APEH: variants seen among roughly 807,000 people sequenced by gnomAD.
APEH encodes the protein acylaminoacyl-peptide hydrolase, also known as acylamino-acid-releasing enzyme.
A neutral mutation model predicts 102.7 loss-of-function variants in APEH; 75 were observed. That is an observed-to-expected ratio of 0.73 (90% CI 0.61 to 0.89). The LOEUF is 0.89. APEH is among the 40% of genes least tolerant of loss of function. The probability of loss-of-function intolerance (pLI) is 0.00; values close to 1 mark genes in which losing one functional copy is unlikely to be tolerated. For synonymous variants in APEH, 344 were observed against 362.7 expected (o/e 0.95, Z 0.59); for missense variants, 863 against 941.2 (o/e 0.92, Z 1.09).
In APEH at chr3:49,679,689, C is replaced by T. The variant is rs766159544; in HGVS notation, c.1210+45C>T. On this transcript the variant is annotated intron_variant, in intron 13 of 21. Transcript: ENST00000296456. This position sits in a 1 kb window ranked among gnomAD's most constrained non-coding sequence, Gnocchi z 4.3. ...TGGGGGTAAGGGCAGGGCTGGTGAG[C>T]AAGCCAACCAGGCAGCGGGGGACTG... 1.9e-6 allele frequency: 3 copies of T among 1,587,046 alleles called. No homozygotes were observed. The highest frequency in any genetic ancestry group is 1.7e-6 in the Non-Finnish European group (2 of 1,156,482).
chr3:49,678,145 G>A (rs1161839199), intron 11 of APEH, among the ~76,000 whole-genome samples: 1 of 152,154 alleles, frequency 6.6e-6, no homozygotes, highest in Non-Finnish European at 1.5e-5. Context: ...CTCCCGTCTC[G>A]AGTGTTGATA....
chr3:49,682,117 C>T, intron 17 of APEH, 150 bp downstream of exon 17: 3 of 995,388 alleles, frequency 3.0e-6, no homozygotes, highest in South Asian at 3.0e-5. Context: ...TGCTGGGGCC[C>T]AGCCTCTGGT....
Position 49,681,188 on chromosome 3 carries a change from T to G in APEH, c.1387T>G (p.Trp463Gly), listed in dbSNP as rs775532286. 6.2e-7 allele frequency: 1 copy of G among 1,609,966 alleles called. No homozygotes were observed. Among genetic ancestry groups the G allele is most frequent in the South Asian group, 1.1e-5 (1 of 90,682 alleles). The change falls in exon 15 of 22, where the codon TGG (tryptophan) becomes GGG (glycine). Residue 463 changes from tryptophan (W) to glycine (G), a missense_variant. Transcript: ENST00000296456. The stretch of plus-strand genomic sequence containing the variant: ...GGCCGAGCCCATTCCCGACATCCAC[T>G]GGGGCATCCGGGTGCTACAGCCACC... ...EEAEPIPDIH[W>G]GIRVLQPPPE...
rs1559631398 is a variant in APEH, at chr3:49,676,508, C to T, written c.737C>T (p.Pro246Leu). 8.7e-6 allele frequency: 14 copies of T among 1,614,126 alleles called. No homozygotes were observed. The highest frequency in any genetic ancestry group is 1.2e-5 in the Non-Finnish European group (14 of 1,180,046). ...GAGGGGGTCCCTGAGAATGTGTCCC[C>T]TGGACAGGTCAGCAGCAACAGCCTG... ...VLEGVPENVS[P>L]GQAFWAPGDA... is the part of the protein sequence containing the mutation. The change falls in exon 7 of 22, where the codon CCT becomes CTT. Residue 246 changes from proline to leucine, a missense_variant. Pro to Leu is a moderately conservative substitution (Grantham distance 98, BLOSUM62 -3). Transcript: ENST00000296456.
In APEH at chr3:49,677,584, T is replaced by C. The variant is rs1159228509; in HGVS notation, c.1011T>C (p.Tyr337=). 7 of 1,613,750 alleles carry C rather than the reference T, an allele frequency of 4.3e-6. No homozygotes were observed. Among genetic ancestry groups the C allele is most frequent in the African/African-American group, 4.0e-5 (3 of 74,930 alleles). The part of the protein sequence containing the change: ...QCSQLCLYDW[Y]TKVTSVVVDV... ...GTGTTCTCTTGCAGTATGACTGGTA[T>C]ACCAAGGTTACCTCAGTGGTGGTAG... Residue 337 remains tyrosine (Y), a synonymous_variant, in exon 11 of 22, where the codon TAT becomes TAC. Transcript: ENST00000296456.
At chr3:49,676,578 G>C (rs1284001050) in intron 7 of APEH, 31 bp from the exon 8 acceptor site, 14 of 1,614,120 alleles carry the variant, frequency 8.7e-6, no homozygotes, top group Non-Finnish European at 1.0e-5. Flanking sequence ...ACCACCCCTT[G>C]CTCACTCCTG....
rs1369225116 is a variant in APEH, at chr3:49,683,392, TGAG to T, written c.*54_*56del. The T allele has an allele frequency of 6.6e-6, 10 of 1,517,496 alleles. 1 individual carries two copies. Among genetic ancestry groups the T allele is most frequent in the Middle Eastern group, 3.4e-4 (2 of 5,860 alleles). 94.0% of individuals were successfully genotyped at this position (1,517,496 alleles called of 1,614,324 possible). A position where few individuals can be genotyped will look rare whatever the true frequency, so the allele number is the denominator to read the frequency against. ...ATCAGCCTGTGCCACACTTCGCTCT[TGAG>T]GAGCTCAACGGTCTGGCAGGGCAGC... On this transcript the variant is annotated 3_prime_UTR_variant, in exon 22 of 22. Transcript: ENST00000296456.
In APEH at chr3:49,677,639, G is replaced by T; in HGVS notation, c.1060+6G>T. On this transcript the variant is annotated splice_donor_region_variant and intron_variant, in intron 11 of 21. Transcript: ENST00000296456. The stretch of plus-strand genomic sequence containing the variant: ...TGTGCCTCGGCAGCTGGGAGGTAAG[G>T]CATACCTGGCTGGGTGGGTGCAGTG... 1 of 1,612,502 alleles carries T rather than the reference G, an allele frequency of 6.2e-7. No homozygotes were observed. Among genetic ancestry groups the T allele is most frequent in the Non-Finnish European group, 8.5e-7 (1 of 1,178,670 alleles).
At chr3:49,674,113 A>C, upstream of APEH, 3 of 420,112 alleles carry the variant, frequency 7.1e-6, no homozygotes, top group Non-Finnish European at 1.3e-5. Context: ...GCCCCTCGGT[A>C]AGAGGCCCAG....
At chr3:49,676,243 G>T (rs1399715188) in intron 6 of APEH, 24 bp downstream of exon 6, 3 of 1,612,496 alleles carry the variant, frequency 1.9e-6, no homozygotes, top group Non-Finnish European at 2.5e-6. Context: ...ATCCACGAAG[G>T]CCCGGCAGGG....
rs775986278 is a variant in APEH at position 49,679,065 on chromosome 3, C to T, written c.1158+116C>T. On this transcript the variant is annotated intron_variant, in intron 12 of 21. Coordinates refer to ENST00000296456, the MANE Select transcript of APEH (RefSeq NM_001640.4). The surrounding 1 kb of genome is among the most constrained non-coding windows in gnomAD (Gnocchi z 4.3). ...CCCAGCCACAAAGTCTCATCAGCCCCTTAAAACCCTGCCTGCCCATCCTGG... is the reference window on the plus strand; with the variant it reads ...CCCAGCCACAAAGTCTCATCAGCCCTTTAAAACCCTGCCTGCCCATCCTGG... The T allele has an allele frequency of 7.7e-5, 62 of 806,582 alleles. No individual in the cohort carries two copies. Among genetic ancestry groups the T allele is most frequent in the Non-Finnish European group, 1.1e-4 (58 of 509,208 alleles). 50.0% of individuals were successfully genotyped at this position (806,582 alleles called of 1,614,324 possible). A position where few individuals can be genotyped will look rare whatever the true frequency, so the allele number is the denominator to read the frequency against.
Position 49,680,567 on chromosome 3 carries a change from C to T in APEH, c.1237C>T (p.Leu413Phe). 1.9e-6 allele frequency: 3 copies of T among 1,614,130 alleles called. No individual in the cohort carries two copies. Among genetic ancestry groups the T allele is most frequent in the Non-Finnish European group, 2.5e-6 (3 of 1,180,016 alleles). Residue 413 changes from leucine (L) to phenylalanine (F), a missense_variant, in exon 14 of 22, where the codon CTC (leucine) becomes TTC (phenylalanine). Coordinates refer to ENST00000296456, the MANE Select transcript of APEH (RefSeq NM_001640.4). ...AGGGTCAGGTGGGAGCTGGAAGTTG[C>T]TCACAATTGACCAGGACCTCATGGT... ...AGGSGGSWKL[L>F]TIDQDLMVAQ...
rs1419060382 is a variant in APEH, at chr3:49,679,899, T to A, written c.1210+255T>A. ...CTGTTCCATGTGTCCTGGCCCAGCC[T>A]CAGCACGGCCCCCACCTCTGCTCCT... On this transcript the variant is annotated intron_variant, in intron 13 of 21. Coordinates refer to ENST00000296456, the MANE Select transcript of APEH (RefSeq NM_001640.4). The surrounding 1 kb of genome is among the most constrained non-coding windows in gnomAD (Gnocchi z 4.3). 1.4e-5 allele frequency: 6 copies of A among 427,216 alleles called. No homozygotes were observed. The highest frequency in any genetic ancestry group is 2.6e-5 in the Non-Finnish European group (6 of 227,752). The allele number at this position is 427,216 out of a possible 1,614,324, so 26.5% of individuals were successfully genotyped here. A position where few individuals can be genotyped will look rare whatever the true frequency, so the allele number is the denominator to read the frequency against.
At chr3:49,673,915 T>C, upstream of APEH, 1 of 170,406 alleles carries the variant, frequency 5.9e-6, no homozygotes, top group Non-Finnish European at 1.3e-5. Flanking sequence ...CCTCAAAGAC[T>C]CATTGGTCCC....
chr3:49,682,545 G>A lies in APEH; in HGVS notation c.1693-1G>A. On this transcript the variant is annotated splice_acceptor_variant, in intron 18 of 21. Coordinates refer to ENST00000296456, the MANE Select transcript of APEH (RefSeq NM_001640.4). LOFTEE classifies it high-confidence loss of function. The stretch of plus-strand genomic sequence containing the variant: ...GCAGCATGCTTTGTCCCACCCTGCA[G>A]TTTGCAGTGGAACAGGTGCTCCAGG... 6.2e-7 allele frequency: 1 copy of A among 1,614,084 alleles called. No individual in the cohort carries two copies.
intron 11 of APEH, 52 bp from the exon 12 acceptor site, chr3:49,678,800 A>G: frequency 6.9e-7 from 1 of 1,456,424 alleles, no homozygotes; most frequent in Non-Finnish European, 9.6e-7. Context: ...CTTGTAGACT[A>G]CCCTCCCTAC....
At position 49,679,723 on chromosome 3, in the gene APEH, A is replaced by G. The variant is rs2053233188; in HGVS notation, c.1210+79A>G. 1 of 1,434,072 alleles carries G rather than the reference A, an allele frequency of 7.0e-7. No individual in the cohort carries two copies. Among genetic ancestry groups the G allele is most frequent in the South Asian group, 1.1e-5 (1 of 87,014 alleles). The allele number at this position is 1,434,072 out of a possible 1,614,324, so 88.8% of individuals were successfully genotyped here. ...CAGGCAGCGGGGGACTGGAGCTCCAACATGTGGGGCAGTGATGGCATTCTC... is the reference window on the plus strand; with the variant it reads ...CAGGCAGCGGGGGACTGGAGCTCCAGCATGTGGGGCAGTGATGGCATTCTC... On this transcript the variant is annotated intron_variant, in intron 13 of 21. Coordinates refer to ENST00000296456, the MANE Select transcript of APEH (RefSeq NM_001640.4). The surrounding 1 kb of genome is among the most constrained non-coding windows in gnomAD (Gnocchi z 4.3).
At chr3:49,678,619 T>G (rs1377271630) in intron 11 of APEH, among the ~76,000 whole-genome samples, 1 of 152,186 alleles carries the variant, frequency 6.6e-6, no homozygotes, top group Non-Finnish European at 1.5e-5. Flanking sequence ...CTGGAGCTCT[T>G]GAGCTCTGCC....
chr3:49,677,142 A>C, intron 10 of APEH, 118 bp downstream of exon 10: 1 of 1,425,958 alleles, frequency 7.0e-7, no homozygotes, highest in African/African-American at 1.4e-5. Context: ...TTCTGTCCTC[A>C]ATGCAGCAGC....
Sources: allele counts gnomAD v4.1 joint callset (sites outside exome capture counted in the v4.1 genomes callset), GRCh38; gene constraint gnomAD v4.1.1; non-coding constraint Gnocchi (gnomAD v3.1); transcripts MANE v1.5; gene names NCBI Gene and HGNC (gene_info 2026-07-23, HGNC 2026-07-21).